C10orf143: variants seen among roughly 807,000 people sequenced by gnomAD.
The protein encoded by C10orf143 is uncharacterized protein C10orf143.
chr10:130,051,186 G>A (rs1860732788), intron 3 of C10orf143, among the ~76,000 whole-genome samples: 1 of 151,948 alleles, frequency 6.6e-6, no homozygotes, highest in East Asian at 1.9e-4. Context: ...TTAGCAAACG[G>A]TGACCGTTGT....
intron 1 of C10orf143, chr10:130,106,038 T>A (rs767745581): frequency 3.8e-6 from 2 of 532,376 alleles, no homozygotes; most frequent in African/African-American, 3.9e-5. Flanking sequence ...CAGAGCAGCC[T>A]TGGCGCTATG....
In C10orf143 at chr10:130,094,451, G is replaced by C. The variant is rs189069111; in HGVS notation, c.70-14550C>G. On this transcript the variant is annotated intron_variant, in intron 1 of 3. Coordinates refer to ENST00000637128, the MANE Select transcript of C10orf143 (RefSeq NM_001355042.2). ...AAGAAAATTTCAGGTCAATATCCCT[G>C]ATGAACATTGATGTGAAAATCCTCA... Among the ~76,000 whole-genome samples the C allele has an allele frequency of 2.6e-5, 4 of 152,318 alleles. 1 individual carries two copies. The highest frequency in any genetic ancestry group is 2.6e-4 in the Admixed American group (4 of 15,294).
intron 1 of C10orf143, among the ~76,000 whole-genome samples, chr10:130,098,654 G>C (rs1308064629): frequency 6.6e-6 from 1 of 152,164 alleles, no homozygotes; most frequent in African/African-American, 2.4e-5. Context: ...AGAACCAGAA[G>C]CCAAGGCAGA....
intron 1 of C10orf143, among the ~76,000 whole-genome samples, chr10:130,103,476 C>G (rs995050515): frequency 6.6e-6 from 1 of 151,716 alleles, no homozygotes; most frequent in Non-Finnish European, 1.5e-5. Context: ...GGTGACAGAC[C>G]GAAACTCTGC....
chr10:130,043,682 T>C (rs1590001959), intron 3 of C10orf143, among the ~76,000 whole-genome samples: 1 of 152,352 alleles, frequency 6.6e-6, no homozygotes, highest in South Asian at 2.1e-4. Flanking sequence ...CCTTTTCCTG[T>C]GCCTGATACC....
At chr10:130,088,499 G>C (rs1029148362) in intron 1 of C10orf143, among the ~76,000 whole-genome samples, 6 of 152,170 alleles carry the variant, frequency 3.9e-5, no homozygotes, top group Admixed American at 6.5e-5. Context: ...CTTTCATTTT[G>C]AAGGTATTTT....
At chr10:130,101,516 C>A (rs1286951989) in intron 1 of C10orf143, among the ~76,000 whole-genome samples, 1 of 151,924 alleles carries the variant, frequency 6.6e-6, no homozygotes, top group Non-Finnish European at 1.5e-5. Context: ...AAGAAAAAAA[C>A]CTATCAATTT....
intron 1 of C10orf143, among the ~76,000 whole-genome samples, chr10:130,101,515 A>T (rs1466496488): frequency 1.3e-5 from 2 of 152,134 alleles, no homozygotes; most frequent in African/African-American, 4.8e-5. Context: ...AAAGAAAAAA[A>T]CCTATCAATT....
intron 1 of C10orf143, chr10:130,107,684 C>A: frequency 7.8e-7 from 1 of 1,285,258 alleles, no homozygotes. Flanking sequence ...CAGACTCTCA[C>A]CTTTGCCTCC....
At chr10:130,042,522 C>CT (rs1307934529) in intron 3 of C10orf143, among the ~76,000 whole-genome samples, 4 of 152,254 alleles carry the variant, frequency 2.6e-5, no homozygotes, top group African/African-American at 4.8e-5. Context: ...GAAGCCCTTT[C>CT]TGTGCTGCCC....
intron 1 of C10orf143, among the ~76,000 whole-genome samples, chr10:130,093,328 G>A (rs904519677): frequency 1.3e-5 from 2 of 152,126 alleles, no homozygotes; most frequent in African/African-American, 4.8e-5. Flanking sequence ...GGTAAATAAC[G>A]AAATTAAGGC....
At chr10:130,040,226 G>A (rs1182743906) in intron 3 of C10orf143, among the ~76,000 whole-genome samples, 1 of 152,156 alleles carries the variant, frequency 6.6e-6, no homozygotes, top group Admixed American at 6.5e-5. Flanking sequence ...CTGGGCTGAA[G>A]GCACCCCAAT....
At chr10:130,096,547 C>T (rs1590031793) in intron 1 of C10orf143, among the ~76,000 whole-genome samples, 4 of 134,218 alleles carry the variant, frequency 3.0e-5, no homozygotes, top group African/African-American at 1.1e-4. Flanking sequence ...AACCCAAATG[C>T]CCATCAATGA....
chr10:130,048,902 G>A (rs963857747), intron 3 of C10orf143, among the ~76,000 whole-genome samples: 5 of 152,014 alleles, frequency 3.3e-5, no homozygotes, highest in African/African-American at 4.8e-5. Context: ...ATAGGGTCTC[G>A]CTATATTGCC....
intron 1 of C10orf143, chr10:130,107,991 T>C: frequency 1.3e-6 from 2 of 1,522,938 alleles, no homozygotes; most frequent in Non-Finnish European, 1.8e-6. Flanking sequence ...TTGGATAAAA[T>C]GGATGGGTCA....
rs1441368242 is a variant in C10orf143 at position 130,108,346 on chromosome 10, T to C, written c.69+2358A>G. 3 of 1,376,664 alleles carry C rather than the reference T, an allele frequency of 2.2e-6. No homozygotes were observed. The African/African-American group carries it at 4.3e-5, about 20-fold the overall frequency. 85.3% of individuals were successfully genotyped at this position (1,376,664 alleles called of 1,614,324 possible). ...CTTACCCTCCCCCAAGACCTGGATT[T>C]TTCCCCCGACCCCCACATTCTGAAG... On this transcript the variant is annotated intron_variant, in intron 1 of 3. Transcript: ENST00000637128.
chr10:130,108,827 TG>T (rs1464101205), intron 1 of C10orf143, among the ~76,000 whole-genome samples: 1 of 152,224 alleles, frequency 6.6e-6, no homozygotes, highest in African/African-American at 2.4e-5. Flanking sequence ...AAATTTTAGT[TG>T]ATTAAAGAAA....
chr10:130,059,592 T>C (rs1860832324), downstream of C10orf143, among the ~76,000 whole-genome samples: 1 of 152,192 alleles, frequency 6.6e-6, no homozygotes, highest in African/African-American at 2.4e-5. Context: ...TGCTAAAAAA[T>C]CTAAATAGAA....
At chr10:130,086,285 G>A (rs540858459) in intron 1 of C10orf143, among the ~76,000 whole-genome samples, 1 of 152,148 alleles carries the variant, frequency 6.6e-6, no homozygotes, top group African/African-American at 2.4e-5. Flanking sequence ...CATTCCTGGG[G>A]CTTATTAAGT....
Sources: allele counts gnomAD v4.1 joint callset (sites outside exome capture counted in the v4.1 genomes callset), GRCh38; gene constraint gnomAD v4.1.1; transcripts MANE v1.5; gene names NCBI Gene and HGNC (gene_info 2026-07-23, HGNC 2026-07-21).